Variants in GLI2 observed in about 807,000 individuals in gnomAD.
GLI2 encodes transcription activator GLI2.
In GLI2, 22 loss-of-function variants were observed where a neutral mutation model predicts 78.9. The ratio of observed to expected loss-of-function variants is 0.28; its 90% confidence interval spans 0.20 to 0.40. The LOEUF (loss-of-function observed/expected upper bound fraction) is 0.40, where lower values mean the gene tolerates loss of function less well. Ranked by LOEUF, GLI2 falls within the 10% of genes least tolerant of loss-of-function variation. GLI2 has a pLI of 1.00. For synonymous variants in GLI2, 974 were observed against 963.7 expected (o/e 1.01, Z -0.20); for missense variants, 2,097 against 2,213.2 (o/e 0.95, Z 1.05).
intron 2 of GLI2, among the ~76,000 whole-genome samples, chr2:120,911,595 G>A (rs1436871131): frequency 1.3e-5 from 2 of 152,250 alleles, no homozygotes; most frequent in African/African-American, 4.8e-5. Context: ...ATAGTGGGAG[G>A]ATTCACTCAT....
chr2:120,802,623 C>T (rs540495559), intron 2 of GLI2, among the ~76,000 whole-genome samples: 1 of 152,322 alleles, frequency 6.6e-6, no homozygotes, highest in South Asian at 2.1e-4. Flanking sequence ...TATTTCTGAA[C>T]CTCTCTGTGT....
intron 3 of GLI2, among the ~76,000 whole-genome samples, chr2:120,930,886 G>C (rs1246987753): frequency 6.6e-6 from 1 of 152,218 alleles, no homozygotes; most frequent in African/African-American, 2.4e-5. Context: ...CCAGCTCTGG[G>C]TAGGGCCTGC....
At chr2:120,781,241 G>T (rs918483005) in intron 1 of GLI2, among the ~76,000 whole-genome samples, 5 of 152,186 alleles carry the variant, frequency 3.3e-5, no homozygotes, top group Admixed American at 1.3e-4. Context: ...TCCTTTGAGT[G>T]CGGGGGGATG....
At chr2:120,929,093 T>C (rs967189165) in intron 3 of GLI2, among the ~76,000 whole-genome samples, 2 of 152,220 alleles carry the variant, frequency 1.3e-5, no homozygotes, top group African/African-American at 4.8e-5. Context: ...GGCCAGTTAC[T>C]ATATAAGATG....
At chr2:120,942,416 C>T (rs1395926869) in intron 3 of GLI2, among the ~76,000 whole-genome samples, 1 of 152,190 alleles carries the variant, frequency 6.6e-6, no homozygotes, top group Non-Finnish European at 1.5e-5. Flanking sequence ...GTCTCCCTGT[C>T]GCATGGCCAT....
chr2:120,872,455 A>G (rs932078211), intron 2 of GLI2, among the ~76,000 whole-genome samples: 2 of 152,230 alleles, frequency 1.3e-5, no homozygotes, highest in Non-Finnish European at 2.9e-5. Context: ...CAGGATGCAT[A>G]GAATGTTAGG....
At chr2:120,758,969 G>C (rs1394165529) in intron 1 of GLI2, among the ~76,000 whole-genome samples, 1 of 152,140 alleles carries the variant, frequency 6.6e-6, no homozygotes, top group African/African-American at 2.4e-5. Context: ...ATGACTGGGG[G>C]CCAGGCCCTT....
chr2:120,930,025 A>G (rs777123836), intron 3 of GLI2, among the ~76,000 whole-genome samples: 1 of 152,170 alleles, frequency 6.6e-6, no homozygotes, highest in Non-Finnish European at 1.5e-5. Context: ...TGGTTCCATG[A>G]CACGGATCCT....
intron 2 of GLI2, among the ~76,000 whole-genome samples, chr2:120,828,752 G>A (rs557283167): frequency 5.3e-5 from 8 of 150,574 alleles, no homozygotes; most frequent in Admixed American, 3.3e-4. Flanking sequence ...CAAACAAAAC[G>A]GTAAAATGAA....
chr2:120,968,799 G>A lies in GLI2; in HGVS notation c.729G>A (p.Leu243=). ...TCTCCCCACTCTCAGACGCCAGCCT[G>A]GACCTGCAGCGGATGATCCGCACCT... ...LSISPLSDAS[L]DLQRMIRTSP... Residue 243 remains leucine, a synonymous_variant, in exon 6 of 14, where the codon CTG becomes CTA. Transcript: ENST00000361492. 1 of 1,613,742 alleles carries A rather than the reference G, an allele frequency of 6.2e-7. No homozygotes were observed. The highest frequency in any genetic ancestry group is 8.5e-7 in the Non-Finnish European group (1 of 1,179,892).
intron 8 of GLI2, among the ~76,000 whole-genome samples, chr2:120,973,495 C>T (rs1033668816): frequency 9.2e-5 from 14 of 152,202 alleles, no homozygotes; most frequent in African/African-American, 2.4e-4. Flanking sequence ...GTTGTCCCCC[C>T]GTCGCTCAGT....
intron 2 of GLI2, among the ~76,000 whole-genome samples, chr2:120,813,382 C>T (rs566642641): frequency 6.6e-6 from 1 of 152,304 alleles, no homozygotes; most frequent in South Asian, 2.1e-4. Context: ...ATGCAGTCCA[C>T]GTGATGGCTG....
intron 1 of GLI2, among the ~76,000 whole-genome samples, chr2:120,783,820 T>C (rs1211298929): frequency 1.3e-5 from 2 of 152,224 alleles, no homozygotes; most frequent in African/African-American, 4.8e-5. Context: ...TCTGATCTTA[T>C]TCCAGGGCAG....
intron 1 of GLI2, among the ~76,000 whole-genome samples, chr2:120,793,561 C>A (rs1222665742): frequency 6.6e-6 from 1 of 152,166 alleles, no homozygotes; most frequent in Non-Finnish European, 1.5e-5. Flanking sequence ...TGTGCTAATC[C>A]CGCTAATTCC....
At position 120,791,787 on chromosome 2, in the gene GLI2, A is replaced by G. The variant is rs368637937; in HGVS notation, c.-30-5504A>G. Among the ~76,000 whole-genome samples the G allele has an allele frequency of 3.1e-4, 47 of 152,094 alleles. No homozygotes were observed. The East Asian group carries it at 8.7e-3, about 28-fold the overall frequency. The stretch of plus-strand genomic sequence containing the variant: ...CAGGTGACCATGTGTGACTTTATAT[A>G]TGTGTGTGCCCATGCACACGTCTGT... On this transcript the variant is annotated intron_variant, in intron 1 of 13. Coordinates refer to ENST00000361492, the MANE Select transcript of GLI2 (RefSeq NM_001374353.1).
intron 1 of GLI2, among the ~76,000 whole-genome samples, chr2:120,754,630 CA>C (rs1257691163): frequency 6.6e-6 from 1 of 152,172 alleles, no homozygotes; most frequent in African/African-American, 2.4e-5. Context: ...AGTAGTTCAT[CA>C]TACGGATATA....
chr2:120,918,597 C>T (rs1239718683), intron 2 of GLI2, among the ~76,000 whole-genome samples: 2 of 152,110 alleles, frequency 1.3e-5, no homozygotes, highest in Non-Finnish European at 2.9e-5. Context: ...TGCACCACCA[C>T]CCCTGGCTAA....
At chr2:120,886,196 GTGTGTGTGT>G in intron 2 of GLI2, among the ~76,000 whole-genome samples, 1 of 39,030 alleles carries the variant, frequency 2.6e-5, no homozygotes, top group East Asian at 3.6e-4. Context: ...GTGTGTGTGT[GTGTGTGTGT>G]GTGTGCGTGT....
In GLI2 at chr2:120,854,027, A is replaced by G. The variant is rs1687529788; in HGVS notation, c.148+56559A>G. Among the ~76,000 whole-genome samples the G allele has an allele frequency of 2.4e-5, 3 of 124,886 alleles. No individual in the cohort carries two copies. In the South Asian group the frequency reaches 7.3e-4, roughly 30 times the overall value. The allele number at this position is 124,886 out of a possible 152,430, so 81.9% of individuals were successfully genotyped here. A position where few individuals can be genotyped will look rare whatever the true frequency, so the allele number is the denominator to read the frequency against. ...TCCTTCATTCTACCAGCATTTATCA[A>G]ACACCTATTGTGTATCGGGGCTATA... On this transcript the variant is annotated intron_variant, in intron 2 of 13. Transcript: ENST00000361492.
Sources: allele counts gnomAD v4.1 joint callset (sites outside exome capture counted in the v4.1 genomes callset), GRCh38; gene constraint gnomAD v4.1.1; transcripts MANE v1.5; gene names NCBI Gene and HGNC (gene_info 2026-07-23, HGNC 2026-07-21).